The following CTDSPL variants were observed in gnomAD, a reference collection of about 807,000 sequenced individuals.
CTDSPL encodes CTD small phosphatase-like protein.
In CTDSPL, 8 loss-of-function variants were observed where a neutral mutation model predicts 30.5. The ratio of observed to expected loss-of-function variants is 0.26; its 90% CI spans 0.15 to 0.47. The LOEUF (loss-of-function observed/expected upper bound fraction) is 0.47, where lower values mean the gene tolerates loss of function less well. Ranked by LOEUF, CTDSPL falls within the 20% of genes least tolerant of loss-of-function variation. CTDSPL has a pLI of 0.99. For synonymous variants in CTDSPL, 110 were observed against 137.9 expected (o/e 0.80, Z 1.42); for missense variants, 248 against 366.1 (o/e 0.68, Z 2.63).
intron 1 of CTDSPL, among the ~76,000 whole-genome samples, chr3:37,936,533 A>G (rs1231756364): frequency 6.6e-6 from 1 of 151,834 alleles, no homozygotes; most frequent in Non-Finnish European, 1.5e-5. Context: ...CCTGTTAGAC[A>G]CCCATTCCAA....
In CTDSPL at chr3:37,890,559, G is replaced by A. The variant is rs1257381191; in HGVS notation, c.79+28281G>A. The stretch of plus-strand genomic sequence containing the variant: ...TTTTCAGCAATTTGATTTAAACCAT[G>A]TGATTTTGTTTGTTTTGATAAAAAA... On this transcript the variant is annotated intron_variant, in intron 1 of 7. Coordinates refer to ENST00000273179, the MANE Select transcript of CTDSPL (RefSeq NM_001008392.2). Among the ~76,000 whole-genome samples, 6 of 152,184 alleles carry A rather than the reference G, an allele frequency of 3.9e-5. No individual in the cohort carries two copies. In the East Asian group the frequency reaches 1.2e-3, roughly 29 times the overall value.
At chr3:37,966,972 T>A (rs1699305772) in intron 4 of CTDSPL, among the ~76,000 whole-genome samples, 1 of 152,222 alleles carries the variant, frequency 6.6e-6, no homozygotes, top group African/African-American at 2.4e-5. Context: ...TTGAGAACTG[T>A]GTGTAAGTTC....
At chr3:37,924,919 C>T (rs1468548361) in intron 1 of CTDSPL, among the ~76,000 whole-genome samples, 1 of 152,160 alleles carries the variant, frequency 6.6e-6, no homozygotes. Flanking sequence ...TCCAAGAGCA[C>T]AGCTCTCATC....
chr3:37,896,344 G>T (rs1698389763), intron 1 of CTDSPL, among the ~76,000 whole-genome samples: 2 of 152,148 alleles, frequency 1.3e-5, no homozygotes, highest in South Asian at 4.1e-4. Flanking sequence ...AGGACAGAGG[G>T]CATCACCAAG....
chr3:37,930,084 G>A (rs1321861783), intron 1 of CTDSPL, among the ~76,000 whole-genome samples: 1 of 148,702 alleles, frequency 6.7e-6, no homozygotes, highest in Non-Finnish European at 1.5e-5. Flanking sequence ...TCCAGCCTGG[G>A]TGACAGAGTG....
At chr3:37,893,557 C>G (rs1698354285) in intron 1 of CTDSPL, among the ~76,000 whole-genome samples, 1 of 152,148 alleles carries the variant, frequency 6.6e-6, no homozygotes, top group Non-Finnish European at 1.5e-5. Context: ...TTCAGGATAC[C>G]TTGCCTGTTT....
intron 1 of CTDSPL, among the ~76,000 whole-genome samples, chr3:37,899,357 C>G (rs62239973): frequency 0.059 from 8,983 of 152,288 alleles, 299 homozygotes; most frequent in African/African-American, 0.082. Flanking sequence ...CATAGGAAAT[C>G]TATTCCTGTG....
chr3:37,920,981 G>C (rs77388365), intron 1 of CTDSPL, among the ~76,000 whole-genome samples: 9,771 of 152,240 alleles, frequency 0.064, 417 homozygotes, highest in Middle Eastern at 0.13. Context: ...TCTATCACCT[G>C]TAGGTTTGAA....
At chr3:37,979,974 C>T (rs993408473) in intron 7 of CTDSPL, among the ~76,000 whole-genome samples, 2 of 152,160 alleles carry the variant, frequency 1.3e-5, no homozygotes, top group Non-Finnish European at 2.9e-5. Context: ...ATCCCCTAGG[C>T]GTAGTCATTT....
chr3:37,945,136 A>AT (rs201768885), intron 1 of CTDSPL, among the ~76,000 whole-genome samples: 1,784 of 149,656 alleles, frequency 0.012, 62 homozygotes, highest in African/African-American at 0.04. Flanking sequence ...CAGGGAAAAG[A>AT]TTTTTTTTTC....
intron 3 of CTDSPL, among the ~76,000 whole-genome samples, chr3:37,962,512 A>C (rs114354876): frequency 0.012 from 1,881 of 152,266 alleles, 37 homozygotes; most frequent in African/African-American, 0.04. Flanking sequence ...CTTAGATTGC[A>C]CCATGAGGGG....
intron 1 of CTDSPL, among the ~76,000 whole-genome samples, chr3:37,924,368 T>C (rs960440347): frequency 9.9e-5 from 15 of 152,228 alleles, no homozygotes; most frequent in Non-Finnish European, 1.5e-4. Context: ...CCAGAGTTGA[T>C]ATTTGAGAAA....
At chr3:37,900,152 G>T (rs1366875844) in intron 1 of CTDSPL, among the ~76,000 whole-genome samples, 1 of 152,200 alleles carries the variant, frequency 6.6e-6, no homozygotes, top group African/African-American at 2.4e-5. Flanking sequence ...AAGGAAGGAA[G>T]TTCATGTCAT....
intron 1 of CTDSPL, among the ~76,000 whole-genome samples, chr3:37,924,847 A>C (rs1698762444): frequency 6.6e-6 from 1 of 151,990 alleles, no homozygotes; most frequent in South Asian, 2.1e-4. Context: ...CACCAGCATG[A>C]CCTCTCCTTA....
chr3:37,933,580 G>C (rs935142490), intron 1 of CTDSPL, among the ~76,000 whole-genome samples: 2 of 152,172 alleles, frequency 1.3e-5, no homozygotes, highest in African/African-American at 4.8e-5. Context: ...TGAGAGCACA[G>C]ACCACTGGGT....
chr3:37,899,049 CAT>C, intron 1 of CTDSPL, among the ~76,000 whole-genome samples: 1 of 152,222 alleles, frequency 6.6e-6, no homozygotes, highest in South Asian at 2.1e-4. Context: ...AGGATCAGGT[CAT>C]ATATGGAGAG....
intron 1 of CTDSPL, among the ~76,000 whole-genome samples, chr3:37,889,214 G>A (rs368722425): frequency 2.6e-5 from 4 of 152,194 alleles, no homozygotes; most frequent in South Asian, 2.1e-4. Flanking sequence ...AATACAGGAC[G>A]TGGACCACAC....
At chr3:37,897,879 A>T (rs1343898336) in intron 1 of CTDSPL, among the ~76,000 whole-genome samples, 2 of 152,188 alleles carry the variant, frequency 1.3e-5, no homozygotes, top group Non-Finnish European at 2.9e-5. Context: ...TGTGTGTGAT[A>T]ACTGGCTTAG....
chr3:37,879,076 A>G (rs1198378528), intron 1 of CTDSPL, among the ~76,000 whole-genome samples: 1 of 151,842 alleles, frequency 6.6e-6, no homozygotes, highest in African/African-American at 2.4e-5. Flanking sequence ...AAGTGGTTAC[A>G]CTACCCAAAA....
Sources: gnomAD v4.1 joint callset for allele counts (sites outside exome capture counted in the v4.1 genomes callset) on GRCh38, gnomAD v4.1.1 for gene constraint, MANE v1.5 for transcripts, NCBI Gene and HGNC (gene_info 2026-07-23, HGNC 2026-07-21) for gene names.